The following DGLUCY variants were observed in gnomAD, a reference collection of about 807,000 sequenced individuals.
The protein encoded by DGLUCY is D-glutamate cyclase, mitochondrial.
A neutral mutation model predicts 58.5 loss-of-function variants in DGLUCY; 58 were observed. The ratio of observed to expected loss-of-function variants is 0.99; its 90% CI spans 0.80 to 1.23. The LOEUF is 1.23. Ranked by LOEUF, DGLUCY falls within the 50% of genes most tolerant of loss-of-function variation. The pLI, the probability that DGLUCY is intolerant of heterozygous loss-of-function variation, is 0.00. For missense variants in DGLUCY, 779 were observed against 784.7 expected (o/e 0.99, Z 0.09); for synonymous variants, 325 against 314.1 (o/e 1.03, Z -0.37).
Position 91,070,762 on chromosome 14 carries a change from A to G in DGLUCY, c.-82+10058A>G, listed in dbSNP as rs558787501. ...GGAAAATAAGCAATAGAGATCCAAT[A>G]GATGCATAATTGGCATTCCTGAAGA... On this transcript the variant is annotated intron_variant, in intron 1 of 4. Transcript: ENST00000521334. Among the ~76,000 whole-genome samples the G allele has an allele frequency of 6.0e-4, 91 of 152,374 alleles. 1 individual carries two copies. Among genetic ancestry groups the G allele is most frequent in the Admixed American group, 4.2e-3 (65 of 15,300 alleles).
chr14:91,137,545 C>T (rs1337889165), intron 1 of DGLUCY, among the ~76,000 whole-genome samples: 2 of 146,352 alleles, frequency 1.4e-5, no homozygotes, highest in African/African-American at 5.1e-5. Flanking sequence ...GCCACCACGC[C>T]TGGCTAATTT....
intron 1 of DGLUCY, among the ~76,000 whole-genome samples, chr14:91,085,552 G>GTTT (rs112213563): frequency 5.9e-5 from 8 of 134,916 alleles, no homozygotes; most frequent in African/African-American, 2.2e-4. Flanking sequence ...AAGTTCCTTT[G>GTTT]TTTTTTTTTT....
chr14:91,066,806 C>T (rs993927103), intron 1 of DGLUCY, among the ~76,000 whole-genome samples: 1 of 151,902 alleles, frequency 6.6e-6, no homozygotes, highest in African/African-American at 2.4e-5. Context: ...TTCGGCCGGG[C>T]GCGGTGGCTC....
At chr14:91,082,216 G>A (rs185181531) in intron 1 of DGLUCY, among the ~76,000 whole-genome samples, 49 of 152,314 alleles carry the variant, frequency 3.2e-4, no homozygotes, top group Non-Finnish European at 2.9e-5. Context: ...CAGTTTGACT[G>A]CATGCAACAC....
At chr14:91,066,931 A>C (rs78395864) in intron 1 of DGLUCY, among the ~76,000 whole-genome samples, 2 of 151,462 alleles carry the variant, frequency 1.3e-5, no homozygotes, top group Non-Finnish European at 2.9e-5. Flanking sequence ...AAAAAAAAAA[A>C]TTAGCCGTGC....
At chr14:91,141,257 C>T (rs2046651882) in intron 1 of DGLUCY, among the ~76,000 whole-genome samples, 1 of 151,402 alleles carries the variant, frequency 6.6e-6, no homozygotes, top group South Asian at 2.1e-4. Flanking sequence ...GTGGTAGTTC[C>T]AGCTACTCAG....
intron 1 of DGLUCY, among the ~76,000 whole-genome samples, chr14:91,155,349 A>C (rs1456268939): frequency 6.6e-6 from 1 of 152,170 alleles, no homozygotes; most frequent in Admixed American, 6.5e-5. Flanking sequence ...AGAGCCTTAC[A>C]TGAGTTTACA....
upstream of DGLUCY, among the ~76,000 whole-genome samples, chr14:91,112,378 G>T (rs932949480): frequency 1.3e-5 from 2 of 152,110 alleles, no homozygotes; most frequent in African/African-American, 4.8e-5. Flanking sequence ...ATGACACCAT[G>T]ACACCAAACA....
chr14:91,189,166 G>A lies in DGLUCY; in HGVS notation c.1191G>A (p.Glu397=), dbSNP rs201673633. 3.3e-5 allele frequency: 53 copies of A among 1,614,168 alleles called. 2 individuals are homozygous for A. The East Asian group carries it at 6.5e-4, about 20-fold the overall frequency. Residue 397 remains glutamate (E), a synonymous_variant, in exon 9 of 14, where the codon GAG becomes GAA. Coordinates refer to ENST00000256324, the MANE Select transcript of DGLUCY (RefSeq NM_001102368.3). ...LHQKIVEDAV[E]QGVLKTQIPI... ...AGAAGATTGTTGAAGATGCTGTTGAGCAAGGTAAGCAGTGAGATGGGCTTG... is the reference window on the plus strand; with the variant it reads ...AGAAGATTGTTGAAGATGCTGTTGAACAAGGTAAGCAGTGAGATGGGCTTG...
chr14:91,209,281 A>G (rs1013900252), intron 12 of DGLUCY, among the ~76,000 whole-genome samples: 4 of 152,098 alleles, frequency 2.6e-5, no homozygotes, highest in African/African-American at 7.2e-5. Context: ...AACAACGACG[A>G]CAAAACAAAA....
chr14:91,074,112 T>TAC (rs1397235461), intron 1 of DGLUCY, among the ~76,000 whole-genome samples: 15 of 60,706 alleles, frequency 2.5e-4, no homozygotes, highest in African/African-American at 5.0e-4. Flanking sequence ...AAAATATATA[T>TAC]ATATATACAC....
In DGLUCY at chr14:91,144,579, G is replaced by A. The variant is rs117583994; in HGVS notation, c.-81-13060G>A. On this transcript the variant is annotated intron_variant, in intron 1 of 13. Transcript: ENST00000256324. Reference sequence around the variant, plus strand: ...CGTATCACAAAAAAAGGAGTCATGGGAGTCATCCTGATTGGACCAGCTTAG... The same window carrying A: ...CGTATCACAAAAAAAGGAGTCATGGAAGTCATCCTGATTGGACCAGCTTAG... Among the ~76,000 whole-genome samples, 1,304 of 152,184 alleles carry A rather than the reference G, an allele frequency of 8.6e-3. 11 individuals carry two copies. The highest frequency in any genetic ancestry group is 0.014 in the Non-Finnish European group (941 of 68,010).
chr14:91,201,733 T>G (rs1272341447), intron 11 of DGLUCY, among the ~76,000 whole-genome samples: 1 of 151,998 alleles, frequency 6.6e-6, no homozygotes, highest in African/African-American at 2.4e-5. Flanking sequence ...CATGAGCCAC[T>G]GAGCCTGGCC....
chr14:91,074,219 C>A (rs2043977619), intron 1 of DGLUCY, among the ~76,000 whole-genome samples: 1 of 144,036 alleles, frequency 6.9e-6, no homozygotes, highest in Non-Finnish European at 1.5e-5. Context: ...TCACATGAGC[C>A]TAGGAGGCCA....
chr14:91,136,123 C>T (rs547401174), intron 1 of DGLUCY, among the ~76,000 whole-genome samples: 2 of 151,280 alleles, frequency 1.3e-5, no homozygotes, highest in African/African-American at 4.8e-5. Context: ...TTAGTAGAGA[C>T]GGGGTTTCAT....
At chr14:91,129,870 C>T (rs1266548968) in intron 1 of DGLUCY, among the ~76,000 whole-genome samples, 1 of 152,134 alleles carries the variant, frequency 6.6e-6, no homozygotes, top group African/African-American at 2.4e-5. Context: ...TAGTCTTGAA[C>T]TCCCGACCTC....
chr14:91,158,616 T>C (rs2047793845), intron 2 of DGLUCY, among the ~76,000 whole-genome samples: 1 of 152,198 alleles, frequency 6.6e-6, no homozygotes, highest in Non-Finnish European at 1.5e-5. Context: ...AAGTCAGGCT[T>C]GTCCAGAACC....
chr14:91,181,367 G>C lies in DGLUCY; in HGVS notation c.912G>C (p.Glu304Asp), dbSNP rs115448574. 20 of 1,613,806 alleles carry C rather than the reference G, an allele frequency of 1.2e-5. No individual in the cohort carries two copies. Among genetic ancestry groups the C allele is most frequent in the Non-Finnish European group, 1.6e-5 (19 of 1,180,012 alleles). The change falls in exon 8 of 14, where the codon GAG becomes GAC. Residue 304 changes from glutamate to aspartate, a missense_variant. By Grantham distance (45) the Glu-to-Asp change is conservative. Transcript: ENST00000256324. ...CTTCTCAGAAGATCAGAGAACTAGA[G>C]TCTATGATCGGCATAGACCCAGGTA... Reference protein sequence around the residue: ...VSASQKIRELESMIGIDPGNR... With the variant: ...VSASQKIRELDSMIGIDPGNR...
chr14:91,218,452 G>T (rs1886926465), intron 13 of DGLUCY, among the ~76,000 whole-genome samples: 1 of 150,700 alleles, frequency 6.6e-6, no homozygotes, highest in Non-Finnish European at 1.5e-5. Context: ...TACCAGGCTG[G>T]AGTGCAGTGG....
Sources: allele counts gnomAD v4.1 joint callset (sites outside exome capture counted in the v4.1 genomes callset), GRCh38; gene constraint gnomAD v4.1.1; transcripts MANE v1.5; gene names NCBI Gene and HGNC (gene_info 2026-07-23, HGNC 2026-07-21).